Variants in UVSSA observed in about 807,000 individuals in gnomAD.
UVSSA encodes the protein UV-stimulated scaffold protein A.
A neutral mutation model predicts 73.9 loss-of-function variants in UVSSA; 72 were observed. That is an observed-to-expected ratio of 0.97 (90% CI 0.81 to 1.19). The LOEUF (loss-of-function observed/expected upper bound fraction) is 1.19. Among genes scored for constraint, UVSSA ranks in the 50% most tolerant of loss-of-function variants. The probability of loss-of-function intolerance (pLI) is 0.00; values close to 1 mark genes in which losing one functional copy is unlikely to be tolerated. For missense variants in UVSSA, 1,150 were observed against 965.0 expected (o/e 1.19, Z -2.54); for synonymous variants, 454 against 391.3 (o/e 1.16, Z -1.89).
At chr4:1,393,005 G>A (rs963379059), downstream of UVSSA, 5 of 152,194 alleles carry the variant, frequency 3.3e-5, no homozygotes, top group Admixed American at 6.5e-5. Flanking sequence ...GAAATTTTAG[G>A]TTGTCGTTTC....
In UVSSA at chr4:1,355,187, T is replaced by C; in HGVS notation, c.1118T>C (p.Leu373Pro). 1 of 1,613,638 alleles carries C rather than the reference T, an allele frequency of 6.2e-7. No homozygotes were observed. The highest frequency in any genetic ancestry group is 1.1e-5 in the South Asian group (1 of 91,036). The change falls in exon 7 of 14, where the codon CTC becomes CCC. Residue 373 changes from leucine to proline, a missense_variant. Coordinates refer to ENST00000389851, the MANE Select transcript of UVSSA (RefSeq NM_020894.4). The stretch of plus-strand genomic sequence containing the variant: ...ATTGACCTGAAGGCTGAATTGGAGC[T>C]CGTACTGAGAAAATACAAGGAGCTG... ...RAIDLKAELELVLRKYKELDI... is the reference protein window; with the variant it reads ...RAIDLKAELEPVLRKYKELDI...
At chr4:1,380,540 C>A in intron 11 of UVSSA, 1 of 1,116,896 alleles carries the variant, frequency 9.0e-7, no homozygotes, top group Non-Finnish European at 1.2e-6. Context: ...CTGGGATCCT[C>A]AAAAGTGAGG....
At chr4:1,389,471 A>G (rs1228525952), downstream of UVSSA, 3 of 152,252 alleles carry the variant, frequency 2.0e-5, no homozygotes, top group Non-Finnish European at 4.4e-5. Context: ...TCCCAGACTC[A>G]AGCAATCTTC....
At chr4:1,360,832 C>G (rs1242608733) in intron 7 of UVSSA, among the ~76,000 whole-genome samples, 1 of 152,234 alleles carries the variant, frequency 6.6e-6, no homozygotes, top group Non-Finnish European at 1.5e-5. Flanking sequence ...ATTCCGCTCT[C>G]CACTGAAGGG....
At chr4:1,343,105 GC>G (rs1287593210), upstream of UVSSA, among the ~76,000 whole-genome samples, 1 of 152,146 alleles carries the variant, frequency 6.6e-6, no homozygotes, top group Non-Finnish European at 1.5e-5. Flanking sequence ...TTGCTCGGCT[GC>G]CGTAACAGAA....
chr4:1,359,560 GCT>G (rs1242940900), intron 7 of UVSSA: 1 of 152,188 alleles, frequency 6.6e-6, no homozygotes, highest in Non-Finnish European at 1.5e-5. Flanking sequence ...CGTCAGCGTG[GCT>G]CTGTCTTTCC....
chr4:1,367,354 C>T (rs1266753907), intron 8 of UVSSA, among the ~76,000 whole-genome samples: 1 of 152,200 alleles, frequency 6.6e-6, no homozygotes, highest in African/African-American at 2.4e-5. Flanking sequence ...AAACAAGACC[C>T]TCAGCTTTTG....
upstream of UVSSA, among the ~76,000 whole-genome samples, chr4:1,344,375 AC>A (rs1713536081): frequency 1.3e-5 from 2 of 152,084 alleles, no homozygotes; most frequent in South Asian, 4.1e-4. Flanking sequence ...ATATGGTGAA[AC>A]CCTGTTTCTA....
In UVSSA at chr4:1,364,519, G is replaced by A. The variant is rs79599930; in HGVS notation, c.1177-1801G>A. Among the ~76,000 whole-genome samples, 255 of 152,360 alleles carry A rather than the reference G, an allele frequency of 1.7e-3. 2 individuals are homozygous for A. The highest frequency in any genetic ancestry group is 5.7e-3 in the African/African-American group (237 of 41,588). On this transcript the variant is annotated intron_variant, in intron 7 of 13. Coordinates refer to ENST00000389851, the MANE Select transcript of UVSSA (RefSeq NM_020894.4). ...CTTCCTCCCTTCAGGAAACAGCTGCGATCGCAGGCGCCTTTGAGGTGTTGC... is the reference window on the plus strand; with the variant it reads ...CTTCCTCCCTTCAGGAAACAGCTGCAATCGCAGGCGCCTTTGAGGTGTTGC...
intron 13 of UVSSA, chr4:1,385,424 T>C: frequency 4.7e-6 from 1 of 211,278 alleles, no homozygotes; most frequent in Non-Finnish European, 9.7e-6. Context: ...GTGCCCCCCC[T>C]GCTGCAGCCC....
exon 14 of UVSSA, chr4:1,394,019 C>T (rs546481766): frequency 2.1e-5 from 5 of 233,732 alleles, no homozygotes; most frequent in African/African-American, 4.6e-5. Flanking sequence ...AGCGCTCCAT[C>T]GCGGTTCTGC....
chr4:1,395,776 C>CG (rs1560502650), exon 14 of UVSSA: 3 of 1,614,206 alleles, frequency 1.9e-6, no homozygotes, highest in Non-Finnish European at 2.5e-6. Flanking sequence ...ACCGTACATT[C>CG]TACTCATGGT....
intron 8 of UVSSA, among the ~76,000 whole-genome samples, chr4:1,370,526 G>A (rs756210479): frequency 1.3e-5 from 2 of 152,270 alleles, no homozygotes; most frequent in Non-Finnish European, 2.9e-5. Flanking sequence ...CCTGGCAGGC[G>A]TGCAGCCGTG....
chr4:1,383,614 C>A, intron 12 of UVSSA, 152 bp from the exon 13 acceptor site: 5 of 836,766 alleles, frequency 6.0e-6, no homozygotes, highest in Non-Finnish European at 9.4e-6. Flanking sequence ...CGCTGAGCAT[C>A]CTCTCAGGCT....
chr4:1,377,009 C>G (rs989138690), intron 10 of UVSSA, among the ~76,000 whole-genome samples: 1 of 152,238 alleles, frequency 6.6e-6, no homozygotes, highest in African/African-American at 2.4e-5. Flanking sequence ...CCACAGCACC[C>G]ATTTCAAGGG....
chr4:1,353,215 C>T lies in UVSSA; in HGVS notation c.736C>T (p.Arg246Trp), dbSNP rs144329202. The T allele has an allele frequency of 5.1e-4, 824 of 1,612,228 alleles. 1 individual carries two copies. The highest frequency in any genetic ancestry group is 4.9e-4 in the Non-Finnish European group (577 of 1,179,828). ...GPCRSGTPDP[R>W]DGEQPCCSRD... ...CTGCCGGTCTGGCACCCCTGACCCC[C>T]GGGACGGGGAGCAGCCCTGCTGCAG... The change falls in exon 5 of 14, where the codon CGG becomes TGG. Residue 246 changes from arginine (R) to tryptophan (W), a missense_variant. Coordinates refer to ENST00000389851, the MANE Select transcript of UVSSA (RefSeq NM_020894.4).
At chr4:1,370,959 T>C (rs747671321) in intron 8 of UVSSA, among the ~76,000 whole-genome samples, 1 of 152,208 alleles carries the variant, frequency 6.6e-6, no homozygotes, top group Admixed American at 6.5e-5. Context: ...CTTCCCTCCC[T>C]GGAAGCCCCT....
intron 8 of UVSSA, among the ~76,000 whole-genome samples, chr4:1,372,524 C>T (rs575405558): frequency 6.6e-6 from 1 of 152,308 alleles, no homozygotes; most frequent in African/African-American, 2.4e-5. Context: ...AAACAAATAA[C>T]CTAGCACCCT....
chr4:1,375,182 G>A, intron 8 of UVSSA, 182 bp from the exon 9 acceptor site: 1 of 955,660 alleles, frequency 1.0e-6, no homozygotes, highest in Non-Finnish European at 1.6e-6. Context: ...GCAGAGCGTG[G>A]CCTGAGCTGC....
Sources: allele counts gnomAD v4.1 joint callset (sites outside exome capture counted in the v4.1 genomes callset), GRCh38; gene constraint gnomAD v4.1.1; transcripts MANE v1.5; gene names NCBI Gene and HGNC (gene_info 2026-07-23, HGNC 2026-07-21).